Variants in STOX2 observed in about 807,000 individuals in gnomAD.
STOX2 encodes the protein storkhead box 2.
STOX2 carries 28 observed loss-of-function variants against 60.9 expected under a neutral mutation model. That is an observed-to-expected ratio of 0.46 (90% CI 0.34 to 0.63). The LOEUF (loss-of-function observed/expected upper bound fraction) is 0.63, where lower values mean the gene tolerates loss of function less well. Among genes scored for constraint, STOX2 ranks in the 30% least tolerant of loss-of-function variants. The probability of loss-of-function intolerance (pLI) is 0.01; values close to 1 mark genes in which losing one functional copy is unlikely to be tolerated. For synonymous variants in STOX2, 472 were observed against 463.9 expected, an observed-to-expected ratio of 1.02 and a Z score of -0.22; for missense variants, 1,024 against 1,187.7, an observed-to-expected ratio of 0.86 and a Z score of 2.03.
intron 1 of STOX2, among the ~76,000 whole-genome samples, chr4:183,943,395 G>A (rs1026198259): frequency 6.6e-6 from 1 of 152,134 alleles, no homozygotes; most frequent in African/African-American, 2.4e-5. Flanking sequence ...GTATCCAGAT[G>A]TATGATTTCC....
intron 1 of STOX2, among the ~76,000 whole-genome samples, chr4:183,860,502 C>T (rs6852010): frequency 0.36 from 53,125 of 149,192 alleles, 9,899 homozygotes; most frequent in East Asian, 0.57. Flanking sequence ...TGACACATTG[C>T]TTGAATTCCC....
intron 1 of STOX2, among the ~76,000 whole-genome samples, chr4:183,914,741 T>A (rs984002839): frequency 6.6e-6 from 1 of 152,166 alleles, no homozygotes; most frequent in East Asian, 1.9e-4. Flanking sequence ...GGAGGTTCAG[T>A]TGGATTCCAT....
chr4:183,883,998 G>C (rs576910297), intron 1 of STOX2, among the ~76,000 whole-genome samples: 1 of 151,874 alleles, frequency 6.6e-6, no homozygotes, highest in Admixed American at 6.6e-5. Context: ...GACTACAGGC[G>C]CCCGCCACCA....
chr4:183,933,597 C>T (rs1053197986), intron 1 of STOX2, among the ~76,000 whole-genome samples: 12 of 152,214 alleles, frequency 7.9e-5, no homozygotes, highest in East Asian at 7.8e-4. Flanking sequence ...CCATGTTGGC[C>T]GGGCTGGCCT....
chr4:183,946,873 C>G (rs1256391908), intron 1 of STOX2, among the ~76,000 whole-genome samples: 2 of 152,176 alleles, frequency 1.3e-5, no homozygotes, highest in Non-Finnish European at 2.9e-5. Context: ...GATCCACCCC[C>G]TCCTTGGCCT....
rs559804824 is a variant in STOX2 at position 183,855,977 on chromosome 4, G to A, written c.364+57922G>A. On this transcript the variant is annotated intron_variant, in intron 1 of 2. Transcript: ENST00000513034. ...CTCTGGCCACAGCTGCTCTGGTTTG[G>A]GTCAGGAGTAGGGCAAGCTTTGCTG... Among the ~76,000 whole-genome samples, 185 of 152,270 alleles carry A rather than the reference G, an allele frequency of 1.2e-3. 1 individual carries two copies. Among genetic ancestry groups the A allele is most frequent in the Non-Finnish European group, 2.4e-3 (162 of 68,018 alleles).
chr4:184,001,225 T>G lies in STOX2; in HGVS notation c.167-100T>G. On this transcript the variant is annotated intron_variant, in intron 1 of 3. Coordinates refer to ENST00000308497, the MANE Select transcript of STOX2 (RefSeq NM_020225.3). This position sits in a 1 kb window ranked among gnomAD's most constrained non-coding sequence, Gnocchi z 4.2. ...CAGCTGCTATGTTCGGAGCTGACTGTGTTCGTCAGACCAGGGCCAGATGGA... is the reference window on the plus strand; with the variant it reads ...CAGCTGCTATGTTCGGAGCTGACTGGGTTCGTCAGACCAGGGCCAGATGGA... The G allele has an allele frequency of 8.7e-7, 1 of 1,148,254 alleles. No individual in the cohort carries two copies. Among genetic ancestry groups the G allele is most frequent in the Non-Finnish European group, 1.3e-6 (1 of 791,158 alleles). The allele number at this position is 1,148,254 out of a possible 1,614,324, so 71.1% of individuals were successfully genotyped here. A position where few individuals can be genotyped will look rare whatever the true frequency, so the allele number is the denominator to read the frequency against.
Position 183,812,590 on chromosome 4 carries a change from G to A in STOX2, c.364+14535G>A, listed in dbSNP as rs10018326. ...TCTAAAGAGCAGCTCAACATGAATTGGTGAGTTCACATCATTTCTGTGACT... is the reference window on the plus strand; with the variant it reads ...TCTAAAGAGCAGCTCAACATGAATTAGTGAGTTCACATCATTTCTGTGACT... On this transcript the variant is annotated intron_variant, in intron 1 of 2. Transcript: ENST00000513034. Among the ~76,000 whole-genome samples, 1,458 of 151,566 alleles carry A rather than the reference G, an allele frequency of 9.6e-3. 31 individuals carry two copies. The highest frequency in any genetic ancestry group is 0.034 in the African/African-American group (1,376 of 41,022).
At chr4:183,805,080 G>A (rs762651704) in intron 1 of STOX2, among the ~76,000 whole-genome samples, 14 of 152,110 alleles carry the variant, frequency 9.2e-5, no homozygotes, top group Non-Finnish European at 1.3e-4. Context: ...TATATTTTGC[G>A]GTAAAAACCC....
chr4:183,945,240 C>CA (rs1205038048), intron 1 of STOX2, among the ~76,000 whole-genome samples: 2 of 151,950 alleles, frequency 1.3e-5, no homozygotes, highest in African/African-American at 4.8e-5. Flanking sequence ...AAAATTTCTC[C>CA]AAAAAGGGAA....
intron 1 of STOX2, among the ~76,000 whole-genome samples, chr4:183,927,268 G>T (rs1742267829): frequency 6.6e-6 from 1 of 152,214 alleles, no homozygotes; most frequent in African/African-American, 2.4e-5. Context: ...TGGCCCCCAT[G>T]CCTGGCCTCT....
At chr4:183,914,915 G>A (rs894503464) in intron 1 of STOX2, among the ~76,000 whole-genome samples, 1 of 152,190 alleles carries the variant, frequency 6.6e-6, no homozygotes, top group South Asian at 2.1e-4. Context: ...GTTGATAGAA[G>A]GGATATGTTT....
At chr4:183,918,507 C>T (rs944607564) in intron 1 of STOX2, among the ~76,000 whole-genome samples, 14 of 152,178 alleles carry the variant, frequency 9.2e-5, no homozygotes, top group South Asian at 2.1e-4. Context: ...AGTTCAGCTG[C>T]GTGTTTATGT....
At chr4:183,914,462 T>A (rs973083728) in intron 1 of STOX2, among the ~76,000 whole-genome samples, 3 of 152,044 alleles carry the variant, frequency 2.0e-5, no homozygotes, top group African/African-American at 7.3e-5. Context: ...AAATAAAAAT[T>A]AAAAAGCTGC....
At chr4:183,886,452 A>G (rs1741086808) in intron 1 of STOX2, among the ~76,000 whole-genome samples, 1 of 152,244 alleles carries the variant, frequency 6.6e-6, no homozygotes, top group Non-Finnish European at 1.5e-5. Context: ...ATTTTTCAGT[A>G]ATACAGACTG....
intron 1 of STOX2, among the ~76,000 whole-genome samples, chr4:183,808,328 C>CT (rs1288661166): frequency 8.5e-5 from 13 of 152,208 alleles, no homozygotes; most frequent in Non-Finnish European, 5.9e-5. Flanking sequence ...TTCTCCTGAC[C>CT]GGTCACTTCC....
At chr4:183,993,634 A>ATAT (rs2111209570) in intron 1 of STOX2, among the ~76,000 whole-genome samples, 1 of 152,366 alleles carries the variant, frequency 6.6e-6, no homozygotes, top group South Asian at 2.1e-4. Context: ...GAATCTCTAA[A>ATAT]TATTCTAAAA....
chr4:183,924,026 T>C (rs1375422678), intron 1 of STOX2, among the ~76,000 whole-genome samples: 1 of 152,190 alleles, frequency 6.6e-6, no homozygotes, highest in Non-Finnish European at 1.5e-5. Flanking sequence ...TATTTGTAGC[T>C]TGGGATGGGG....
At chr4:183,819,619 G>A (rs1407032904) in intron 1 of STOX2, among the ~76,000 whole-genome samples, 1 of 148,042 alleles carries the variant, frequency 6.8e-6, no homozygotes, top group Admixed American at 6.7e-5. Context: ...GGGGAGGAGG[G>A]AGAGGCGAAA....
Sources: allele counts gnomAD v4.1 joint callset (sites outside exome capture counted in the v4.1 genomes callset), GRCh38; gene constraint gnomAD v4.1.1; non-coding constraint Gnocchi (gnomAD v3.1); transcripts MANE v1.5; gene names NCBI Gene and HGNC (gene_info 2026-07-23, HGNC 2026-07-21).